Variants in SUGCT observed in about 807,000 individuals in gnomAD.
The protein encoded by SUGCT is succinyl-CoA:glutarate CoA-transferase.
Under a neutral mutation model 55.0 loss-of-function variants are expected in SUGCT, and 41 were observed. That is an observed-to-expected ratio of 0.74 (90% CI 0.58 to 0.97). The LOEUF (loss-of-function observed/expected upper bound fraction) is 0.97. Ranked by LOEUF, SUGCT falls within the 50% of genes least tolerant of loss-of-function variation. The pLI is 0.00. For missense variants in SUGCT, 568 were observed against 547.8 expected, an observed-to-expected ratio of 1.04 and a Z score of -0.37; for synonymous variants, 187 against 200.4, an observed-to-expected ratio of 0.93 and a Z score of 0.56.
Position 40,860,362 on chromosome 7 carries a change from G to GC in SUGCT, c.1205dup (p.Leu403AlafsTer18), listed in dbSNP as rs781210819. On this transcript the variant is annotated frameshift_variant, in exon 14 of 14. Transcript: ENST00000335693. LOFTEE classifies it high-confidence loss of function. ...AGTTCAAGATGTCAGAGGCCAGGCC[G>GC]CCCCCGCTGCTCGGGCAGCACACAA... 5 of 1,613,888 alleles carry GC rather than the reference G, an allele frequency of 3.1e-6. No homozygotes were observed. Among genetic ancestry groups the GC allele is most frequent in the Admixed American group, 1.7e-5 (1 of 60,022 alleles).
At chr7:40,980,450 A>G in the SUGCT span, among the ~76,000 whole-genome samples, 5 of 152,148 alleles carry the variant, frequency 3.3e-5, no homozygotes, top group Admixed American at 1.3e-4. Context: ...GATTTGCAAT[A>G]TTATCTCTAA....
intron 12 of SUGCT, among the ~76,000 whole-genome samples, chr7:40,513,980 C>T (rs2151558327): frequency 6.6e-6 from 1 of 151,784 alleles, no homozygotes; most frequent in Non-Finnish European, 1.5e-5. Flanking sequence ...TTAGTGTAGA[C>T]AGGATTTCAC....
chr7:40,477,606 A>G (rs1024134710), intron 11 of SUGCT, among the ~76,000 whole-genome samples: 1 of 152,210 alleles, frequency 6.6e-6, no homozygotes, highest in African/African-American at 2.4e-5. Context: ...GTAAGAAAAT[A>G]ATGTTCCCAT....
At chr7:40,912,967 A>G in the SUGCT span, among the ~76,000 whole-genome samples, 2 of 150,366 alleles carry the variant, frequency 1.3e-5, no homozygotes, top group African/African-American at 4.9e-5. Flanking sequence ...ATCTCCTGCT[A>G]TCCTTCACCA....
chr7:40,683,981 G>C, intron 12 of SUGCT: 1 of 1,585,408 alleles, frequency 6.3e-7, no homozygotes, highest in Non-Finnish European at 8.6e-7. Flanking sequence ...CCTTGATCAT[G>C]TGTGTTACTG....
chr7:40,551,571 G>A (rs1234783290), intron 12 of SUGCT, among the ~76,000 whole-genome samples: 1 of 152,192 alleles, frequency 6.6e-6, no homozygotes, highest in African/African-American at 2.4e-5. Flanking sequence ...TGACAGTTCA[G>A]GCTGAAGTGT....
At chr7:40,851,543 T>C (rs931278055) in intron 13 of SUGCT, among the ~76,000 whole-genome samples, 1 of 152,176 alleles carries the variant, frequency 6.6e-6, no homozygotes, top group Admixed American at 6.5e-5. Context: ...CAGTTCAGCC[T>C]CCCAGGTATG....
Position 40,158,674 on chromosome 7 carries a change from C to CG in SUGCT, c.101-22267dup, listed in dbSNP as rs988091720. ...CTGAGACAGGAGAATTGCTTGAACC[C>CG]GGGGGGCAGAGGTTGCAGTGAGCTG... On this transcript the variant is annotated intron_variant, in intron 1 of 13. Transcript: ENST00000335693. Among the ~76,000 whole-genome samples the CG allele has an allele frequency of 2.0e-3, 309 of 152,166 alleles. 1 individual carries two copies. Among genetic ancestry groups the CG allele is most frequent in the African/African-American group, 6.9e-3 (285 of 41,512 alleles).
intron 12 of SUGCT, among the ~76,000 whole-genome samples, chr7:40,598,620 G>A (rs975659130): frequency 7.9e-5 from 12 of 152,200 alleles, no homozygotes; most frequent in South Asian, 2.1e-4. Context: ...GCATGCAGGG[G>A]TCAAACATCT....
At chr7:40,149,105 A>G (rs746370935) in intron 1 of SUGCT, among the ~76,000 whole-genome samples, 1 of 152,196 alleles carries the variant, frequency 6.6e-6, no homozygotes, top group Non-Finnish European at 1.5e-5. Context: ...TCAATGTGCC[A>G]TATTTTGGGG....
chr7:40,964,085 G>T, the SUGCT span, among the ~76,000 whole-genome samples: 1 of 152,180 alleles, frequency 6.6e-6, no homozygotes, highest in Non-Finnish European at 1.5e-5. Context: ...AGTATTTCTT[G>T]ATGTAATGAA....
chr7:41,037,166 T>C, the SUGCT span, among the ~76,000 whole-genome samples: 2 of 152,232 alleles, frequency 1.3e-5, no homozygotes, highest in African/African-American at 4.8e-5. Flanking sequence ...AGCCCTTCCT[T>C]TGGGATTGCC....
chr7:40,389,322 A>G (rs557440176), intron 9 of SUGCT, among the ~76,000 whole-genome samples: 2 of 151,990 alleles, frequency 1.3e-5, no homozygotes, highest in African/African-American at 2.4e-5. Flanking sequence ...GGTGGCAGAC[A>G]TGTGTTGTAG....
intron 13 of SUGCT, among the ~76,000 whole-genome samples, chr7:40,809,348 T>C (rs1384171722): frequency 6.6e-6 from 1 of 152,222 alleles, no homozygotes; most frequent in African/African-American, 2.4e-5. Flanking sequence ...ATGCCAATGA[T>C]ATTTTCTATT....
chr7:40,775,148 C>T (rs1171731071), intron 13 of SUGCT, among the ~76,000 whole-genome samples: 1 of 152,220 alleles, frequency 6.6e-6, no homozygotes, highest in African/African-American at 2.4e-5. Context: ...GCTTGAACAT[C>T]TCTGAAGGTT....
chr7:40,722,505 T>C (rs986820257), intron 12 of SUGCT, among the ~76,000 whole-genome samples: 2 of 152,180 alleles, frequency 1.3e-5, no homozygotes, highest in African/African-American at 4.8e-5. Context: ...AGACCAAATA[T>C]AGTCAATTCC....
intron 7 of SUGCT, among the ~76,000 whole-genome samples, chr7:40,274,196 A>T: frequency 6.7e-6 from 1 of 149,418 alleles, no homozygotes. Flanking sequence ...TTTTAGCATA[A>T]ACAAGATAAA....
intron 13 of SUGCT, chr7:40,782,697 G>A (rs916716514): frequency 1.3e-5 from 2 of 152,234 alleles, no homozygotes; most frequent in South Asian, 2.1e-4. Flanking sequence ...CATCATTCCT[G>A]TCAAGGAAAA....
intron 12 of SUGCT, among the ~76,000 whole-genome samples, chr7:40,523,906 AC>A (rs1194608255): frequency 6.6e-6 from 1 of 152,098 alleles, no homozygotes; most frequent in Admixed American, 6.6e-5. Flanking sequence ...TTCTTTTAAA[AC>A]AAATGTTCTT....
Sources: allele counts gnomAD v4.1 joint callset (sites outside exome capture counted in the v4.1 genomes callset), GRCh38; gene constraint gnomAD v4.1.1; transcripts MANE v1.5; gene names NCBI Gene and HGNC (gene_info 2026-07-23, HGNC 2026-07-21).